RCOR1: variants seen among roughly 807,000 people sequenced by gnomAD.
The protein encoded by RCOR1 is REST corepressor 1, also known as REST corepressor.
A neutral mutation model predicts 64.0 loss-of-function variants in RCOR1; 12 were observed. The ratio of observed to expected loss-of-function variants is 0.19; its 90% confidence interval spans 0.12 to 0.30. The LOEUF (loss-of-function observed/expected upper bound fraction) is 0.30. Ranked by LOEUF, RCOR1 falls within the 10% of genes least tolerant of loss-of-function variation. The pLI, the probability that RCOR1 is intolerant of heterozygous loss-of-function variation, is 1.00. For synonymous variants in RCOR1, 279 were observed against 227.2 expected (o/e 1.23, Z -2.05); for missense variants, 502 against 621.2 (o/e 0.81, Z 2.04).
intron 2 of RCOR1, among the ~76,000 whole-genome samples, chr14:102,652,414 G>A (rs1199300528): frequency 6.6e-6 from 1 of 152,152 alleles, no homozygotes; most frequent in Non-Finnish European, 1.5e-5. Context: ...GCTGAGCAGT[G>A]AATTACAAAC....
At chr14:102,671,081 A>G (rs1895024805) in intron 2 of RCOR1, among the ~76,000 whole-genome samples, 1 of 152,100 alleles carries the variant, frequency 6.6e-6, no homozygotes. Flanking sequence ...GCCCTATCTT[A>G]TAATTATTGA....
chr14:102,668,597 C>T (rs944643257), intron 2 of RCOR1, among the ~76,000 whole-genome samples: 2 of 152,128 alleles, frequency 1.3e-5, no homozygotes, highest in Non-Finnish European at 2.9e-5. Flanking sequence ...TTTGTTCTTG[C>T]CTGCCTTTTT....
Position 102,593,141 on chromosome 14 carries a change from C to T in RCOR1, c.255C>T (p.Asn85=), listed in dbSNP as rs759008322. Residue 85 remains asparagine, a synonymous_variant, in exon 1 of 12, where the codon AAC becomes AAT. Transcript: ENST00000262241. The part of the protein sequence containing the change: ...AAAPNGNSSS[N]SWEEGSSGSS... ...CGCCCAATGGCAACAGCAGCAGCAA[C>T]TCCTGGGAGGAAGGCAGCTCGGGCT... 2.7e-4 allele frequency: 418 copies of T among 1,529,692 alleles called. No homozygotes were observed. Among genetic ancestry groups the T allele is most frequent in the Non-Finnish European group, 3.5e-4 (404 of 1,144,112 alleles). The allele number at this position is 1,529,692 out of a possible 1,614,324, so 94.8% of individuals were successfully genotyped here.
chr14:102,639,923 T>G (rs1894332200), intron 2 of RCOR1, among the ~76,000 whole-genome samples: 1 of 152,148 alleles, frequency 6.6e-6, no homozygotes, highest in African/African-American at 2.4e-5. Flanking sequence ...CTCGGCTCAC[T>G]GCAACCTCCG....
intron 2 of RCOR1, among the ~76,000 whole-genome samples, chr14:102,656,671 G>A (rs1457656918): frequency 2.0e-5 from 3 of 151,968 alleles, no homozygotes; most frequent in Non-Finnish European, 4.4e-5. Flanking sequence ...GTTTTACCAT[G>A]TTGGCCAGGC....
intron 2 of RCOR1, among the ~76,000 whole-genome samples, chr14:102,626,212 A>G (rs2139905069): frequency 6.6e-6 from 1 of 152,188 alleles, no homozygotes; most frequent in East Asian, 1.9e-4. Flanking sequence ...CTCTCCTCCT[A>G]TTCCTTTGTC....
intron 4 of RCOR1, among the ~76,000 whole-genome samples, chr14:102,705,914 G>T (rs1316176733): frequency 2.0e-5 from 3 of 151,532 alleles, no homozygotes; most frequent in Non-Finnish European, 4.4e-5. Context: ...TCAGGAGTTG[G>T]AGACCAACCT....
chr14:102,681,726 A>G (rs752528860), intron 2 of RCOR1, among the ~76,000 whole-genome samples, 169 bp from the exon 3 acceptor site: 52 of 152,378 alleles, frequency 3.4e-4, no homozygotes, highest in Middle Eastern at 3.4e-3. Context: ...GAAATGTTTC[A>G]GCAGACTCTC....
chr14:102,606,682 A>T (rs1225882272), intron 2 of RCOR1, among the ~76,000 whole-genome samples: 2 of 144,340 alleles, frequency 1.4e-5, no homozygotes, highest in Non-Finnish European at 3.0e-5. Context: ...CCCAGGCTGG[A>T]GTGCAGTGGC....
chr14:102,621,778 A>G (rs1264306294), intron 2 of RCOR1, among the ~76,000 whole-genome samples: 1 of 152,130 alleles, frequency 6.6e-6, no homozygotes, highest in Non-Finnish European at 1.5e-5. Context: ...GAGAAGGTAT[A>G]TGGGGAATAG....
At chr14:102,628,439 C>G (rs557815423) in intron 2 of RCOR1, among the ~76,000 whole-genome samples, 3 of 152,088 alleles carry the variant, frequency 2.0e-5, no homozygotes. Flanking sequence ...TTCAGCTCCA[C>G]TACCCGCTCC....
intron 4 of RCOR1, among the ~76,000 whole-genome samples, chr14:102,701,886 C>T (rs919397253): frequency 6.6e-6 from 1 of 152,138 alleles, no homozygotes; most frequent in Non-Finnish European, 1.5e-5. Flanking sequence ...CACCACCACG[C>T]CTGGCTAATT....
At chr14:102,643,976 A>G (rs902537654) in intron 2 of RCOR1, among the ~76,000 whole-genome samples, 3 of 152,130 alleles carry the variant, frequency 2.0e-5, no homozygotes, top group Non-Finnish European at 4.4e-5. Flanking sequence ...TGCTGTTACT[A>G]TTGTCTTTAA....
At chr14:102,649,061 AAAAAC>A in intron 2 of RCOR1, among the ~76,000 whole-genome samples, 1 of 147,512 alleles carries the variant, frequency 6.8e-6, no homozygotes, top group African/African-American at 2.5e-5. Context: ...AACAAGCAAA[AAAAAC>A]AAAAAAAAAA....
chr14:102,602,289 T>C (rs1189703046), intron 2 of RCOR1, among the ~76,000 whole-genome samples: 1 of 152,156 alleles, frequency 6.6e-6, no homozygotes, highest in Non-Finnish European at 1.5e-5. Context: ...GTAAACAACT[T>C]TGTTTTCACC....
chr14:102,684,519 G>A (rs1315935824), intron 3 of RCOR1, among the ~76,000 whole-genome samples: 3 of 152,112 alleles, frequency 2.0e-5, no homozygotes, highest in East Asian at 3.9e-4. Flanking sequence ...GGATGAGGAC[G>A]GCTTTGTAGA....
At chr14:102,653,754 A>G (rs1253569401) in intron 2 of RCOR1, among the ~76,000 whole-genome samples, 2 of 151,522 alleles carry the variant, frequency 1.3e-5, no homozygotes, top group African/African-American at 4.9e-5. Context: ...TGGCCATGTT[A>G]TATGTGCTTG....
At chr14:102,619,455 C>G (rs1291962501) in intron 2 of RCOR1, among the ~76,000 whole-genome samples, 1 of 147,442 alleles carries the variant, frequency 6.8e-6, no homozygotes, top group African/African-American at 2.5e-5. Context: ...GTCTGTCTAT[C>G]TATCTATTCT....
intron 2 of RCOR1, among the ~76,000 whole-genome samples, chr14:102,628,231 A>T (rs1894022729): frequency 6.6e-6 from 1 of 152,106 alleles, no homozygotes; most frequent in South Asian, 2.1e-4. Flanking sequence ...AGTCTGCTTT[A>T]CTCAGTCCAC....
Sources: gnomAD v4.1 joint callset for allele counts (sites outside exome capture counted in the v4.1 genomes callset) on GRCh38, gnomAD v4.1.1 for gene constraint, MANE v1.5 for transcripts, NCBI Gene and HGNC (gene_info 2026-07-23, HGNC 2026-07-21) for gene names.